Variants in LEKR1 observed in about 807,000 individuals in gnomAD.
LEKR1 encodes the protein protein LEKR1.
In LEKR1, 59 loss-of-function variants were observed where a neutral mutation model predicts 72.4. The observed-to-expected ratio is 0.82, with a 90% CI of 0.66 to 1.01. The LOEUF (loss-of-function observed/expected upper bound fraction) is 1.01. LEKR1 is among the 50% of genes least tolerant of loss of function. The pLI is 0.00. For missense variants in LEKR1, 728 were observed against 759.2 expected (o/e 0.96, Z 0.48); for synonymous variants, 257 against 263.2 (o/e 0.98, Z 0.23).
intron 6 of LEKR1, among the ~76,000 whole-genome samples, chr3:156,970,093 A>G (rs947532143): frequency 3.3e-5 from 5 of 152,338 alleles, no homozygotes; most frequent in African/African-American, 9.6e-5. Context: ...AAAAACTCTC[A>G]ATAAATTAGG....
chr3:156,897,672 G>T (rs1429877133), intron 3 of LEKR1, among the ~76,000 whole-genome samples: 1 of 152,214 alleles, frequency 6.6e-6, no homozygotes, highest in African/African-American at 2.4e-5. Flanking sequence ...AGAAACCGGG[G>T]CCTGGTGTGG....
intron 6 of LEKR1, among the ~76,000 whole-genome samples, chr3:156,952,044 T>G (rs910967077): frequency 6.6e-6 from 1 of 151,562 alleles, no homozygotes; most frequent in Non-Finnish European, 1.5e-5. Context: ...TTACTTGTAC[T>G]TGTCACTTGA....
At chr3:156,937,000 A>G (rs1021958393) in intron 5 of LEKR1, among the ~76,000 whole-genome samples, 2 of 152,128 alleles carry the variant, frequency 1.3e-5, no homozygotes, top group African/African-American at 4.8e-5. Flanking sequence ...ACTTTTGCAG[A>G]GTGTAGTAGC....
chr3:156,962,617 G>C, intron 6 of LEKR1, among the ~76,000 whole-genome samples: 1 of 152,076 alleles, frequency 6.6e-6, no homozygotes, highest in East Asian at 1.9e-4. Context: ...TTGTTTTCTT[G>C]CCTTTTCATT....
Position 157,031,491 on chromosome 3 carries a change from G to A in LEKR1, c.1668+3089G>A, listed in dbSNP as rs376379954. 1.6e-4 allele frequency among the ~76,000 whole-genome samples: 24 copies of A among 152,214 alleles called. No individual in the cohort carries two copies. The South Asian group carries it at 3.9e-3, about 25-fold the overall frequency. On this transcript the variant is annotated intron_variant, in intron 12 of 12. Transcript: ENST00000356539. ...TTAACTAATTCGAACTGAACTGTAA[G>A]AGTAAATAATTAAGGCTGCTTCTCT...
intron 3 of LEKR1, among the ~76,000 whole-genome samples, chr3:156,864,825 C>G (rs999307314): frequency 1.3e-5 from 2 of 151,904 alleles, no homozygotes; most frequent in East Asian, 1.9e-4. Flanking sequence ...ATACCTATTG[C>G]TTTTTATTGT....
At chr3:156,911,000 A>AT (rs1723054326) in intron 3 of LEKR1, among the ~76,000 whole-genome samples, 1 of 151,928 alleles carries the variant, frequency 6.6e-6, no homozygotes, top group South Asian at 2.1e-4. Flanking sequence ...CCAGCATGTT[A>AT]TTTTTTGACT....
At chr3:157,043,062 C>A (rs1479449837) in intron 12 of LEKR1, among the ~76,000 whole-genome samples, 1 of 152,080 alleles carries the variant, frequency 6.6e-6, no homozygotes, top group Non-Finnish European at 1.5e-5. Context: ...CTCATGAGAT[C>A]TGGTTGTTTA....
chr3:157,042,214 T>G (rs994844333), intron 12 of LEKR1, among the ~76,000 whole-genome samples: 1 of 152,182 alleles, frequency 6.6e-6, no homozygotes, highest in Non-Finnish European at 1.5e-5. Flanking sequence ...CAATTTTGGA[T>G]CCTATTTTCA....
chr3:156,955,831 G>T (rs1019631163), intron 6 of LEKR1, among the ~76,000 whole-genome samples: 31 of 151,380 alleles, frequency 2.0e-4, no homozygotes, highest in Non-Finnish European at 4.0e-4. Flanking sequence ...TGTTGTTGTT[G>T]TTGTTACATC....
intron 5 of LEKR1, among the ~76,000 whole-genome samples, chr3:156,930,813 A>G (rs148597291): frequency 0.03 from 4,499 of 152,226 alleles, 96 homozygotes; most frequent in Non-Finnish European, 0.043. Flanking sequence ...TCCAATGGGA[A>G]AAAGAAAGTC....
At chr3:156,941,989 T>G (rs1416166216) in intron 5 of LEKR1, among the ~76,000 whole-genome samples, 1 of 152,050 alleles carries the variant, frequency 6.6e-6, no homozygotes, top group African/African-American at 2.4e-5. Context: ...ACAGTACTAT[T>G]AAAATCATTA....
At chr3:156,983,160 T>C (rs956707479) in intron 7 of LEKR1, among the ~76,000 whole-genome samples, 1 of 152,160 alleles carries the variant, frequency 6.6e-6, no homozygotes, top group Non-Finnish European at 1.5e-5. Context: ...CTGTCATTTA[T>C]GGTGAGAAAT....
chr3:156,906,779 C>T (rs1219776197), intron 3 of LEKR1, among the ~76,000 whole-genome samples: 1 of 152,076 alleles, frequency 6.6e-6, no homozygotes, highest in African/African-American at 2.4e-5. Context: ...GCTTGAGAAG[C>T]TATTTGTATG....
intron 6 of LEKR1, among the ~76,000 whole-genome samples, chr3:156,950,721 C>G (rs1727081295): frequency 6.6e-6 from 1 of 151,538 alleles, no homozygotes; most frequent in African/African-American, 2.4e-5. Context: ...ATTTTGTATC[C>G]TGAAACTTTG....
chr3:156,968,260 A>G lies in LEKR1; in HGVS notation c.746-10934A>G, dbSNP rs911910441. On this transcript the variant is annotated intron_variant, in intron 6 of 12. Coordinates refer to ENST00000356539, the MANE Select transcript of LEKR1 (RefSeq NM_001004316.3). Reference sequence around the variant, plus strand: ...AGCTAACATCATAATGACAGGATCAATTTCACACAAAACAATATTAACCTT... The same window carrying G: ...AGCTAACATCATAATGACAGGATCAGTTTCACACAAAACAATATTAACCTT... Among the ~76,000 whole-genome samples the G allele has an allele frequency of 3.3e-5, 5 of 152,200 alleles. No individual in the cohort carries two copies. In the South Asian group the frequency reaches 6.2e-4, roughly 19 times the overall value.
In LEKR1 at chr3:156,920,706, GA is replaced by G; in HGVS notation, c.383+14del. ...TCATACATCTTCAGGTAAGATTAAA[GA>G]ACTGAAAATTATAAAGATTGAAAAG... On this transcript the variant is annotated intron_variant, in intron 4 of 12. Transcript: ENST00000356539. 1 of 1,314,700 alleles carries G rather than the reference GA, an allele frequency of 7.6e-7. No homozygotes were observed. Among genetic ancestry groups the G allele is most frequent in the East Asian group, 2.6e-5 (1 of 37,926 alleles). The allele number at this position is 1,314,700 out of a possible 1,614,324, so 81.4% of individuals were successfully genotyped here.
intron 9 of LEKR1, among the ~76,000 whole-genome samples, chr3:157,003,400 TA>T (rs887881085): frequency 1.3e-5 from 2 of 152,180 alleles, no homozygotes; most frequent in African/African-American, 4.8e-5. Context: ...TTTAGTGGCT[TA>T]AAATAACACA....
chr3:157,044,933 C>T (rs1004356498), intron 12 of LEKR1, among the ~76,000 whole-genome samples: 1 of 152,166 alleles, frequency 6.6e-6, no homozygotes, highest in Non-Finnish European at 1.5e-5. Flanking sequence ...TTTAATGACT[C>T]TACAGCTATT....
Sources: allele counts gnomAD v4.1 joint callset (sites outside exome capture counted in the v4.1 genomes callset), GRCh38; gene constraint gnomAD v4.1.1; transcripts MANE v1.5; gene names NCBI Gene and HGNC (gene_info 2026-07-23, HGNC 2026-07-21).